The following INTS13 variants were observed in gnomAD, a reference collection of about 807,000 sequenced individuals.
The protein encoded by INTS13 is asunder, spermatogenesis regulator homolog (Drosphila).
A neutral mutation model predicts 90.2 loss-of-function variants in INTS13; 35 were observed. The observed-to-expected ratio is 0.39, with a 90% CI of 0.30 to 0.51. The LOEUF is 0.51. Among genes scored for constraint, INTS13 ranks in the 20% least tolerant of loss-of-function variants. The pLI, the probability that INTS13 is intolerant of heterozygous loss-of-function variation, is 0.80. For missense variants in INTS13, 601 were observed against 851.2 expected, an observed-to-expected ratio of 0.71 and a Z score of 3.66; for synonymous variants, 309 against 277.1, an observed-to-expected ratio of 1.11 and a Z score of -1.14.
intron 3 of INTS13, among the ~76,000 whole-genome samples, chr12:26,930,859 A>C (rs1340055978): frequency 6.6e-6 from 1 of 152,202 alleles, no homozygotes; most frequent in Non-Finnish European, 1.5e-5. Flanking sequence ...CACTTCTTTC[A>C]CAGTATTTAA....
rs772248624 is a variant in INTS13, at chr12:26,928,188, T to C, written c.584+17A>G. On this transcript the variant is annotated intron_variant, in intron 5 of 16. Coordinates refer to ENST00000261191, the MANE Select transcript of INTS13 (RefSeq NM_018164.3). ...ATCCACATGAACATATTTATTTCAT[T>C]TATGAATTATACTCACTGATCTGAA... 7.1e-6 allele frequency: 11 copies of C among 1,558,008 alleles called. No individual in the cohort carries two copies. The highest frequency in any genetic ancestry group is 4.4e-6 in the Non-Finnish European group (5 of 1,133,140).
At chr12:26,918,050 C>T (rs1325102015) in intron 8 of INTS13, among the ~76,000 whole-genome samples, 1 of 151,794 alleles carries the variant, frequency 6.6e-6, no homozygotes, top group Non-Finnish European at 1.5e-5. Flanking sequence ...TGAACCTGGG[C>T]GGCAGAGGTT....
Position 26,925,966 on chromosome 12 carries a change from T to G in INTS13, c.585-115A>C, listed in dbSNP as rs1030196704. On this transcript the variant is annotated intron_variant, in intron 5 of 16. Coordinates refer to ENST00000261191, the MANE Select transcript of INTS13 (RefSeq NM_018164.3). ...AACATCATATTGCTACAATTAGATA[T>G]TACTGTTAACCCAAAAGCTAAATAT... The G allele has an allele frequency of 3.6e-5, 25 of 703,038 alleles. No individual in the cohort carries two copies. The Admixed American group carries it at 6.6e-4, about 19-fold the overall frequency. The allele number at this position is 703,038 out of a possible 1,614,324, so 43.5% of individuals were successfully genotyped here.
intron 14 of INTS13, among the ~76,000 whole-genome samples, chr12:26,912,041 T>C (rs987948565): frequency 1.3e-5 from 2 of 152,340 alleles, no homozygotes; most frequent in East Asian, 3.9e-4. Context: ...TGAAGATATA[T>C]ATGAAATGAG....
intron 14 of INTS13, among the ~76,000 whole-genome samples, chr12:26,912,728 T>G (rs1172758787): frequency 1.2e-5 from 1 of 86,862 alleles, no homozygotes; most frequent in East Asian, 4.5e-4. Context: ...TTTGCTGCAA[T>G]CACTTTTTTT....
chr12:26,925,695 T>C (rs1443529355), intron 6 of INTS13, 66 bp downstream of exon 6: 1 of 1,296,450 alleles, frequency 7.7e-7, no homozygotes, highest in Non-Finnish European at 1.1e-6. Context: ...ATTTTAATGA[T>C]AACCCTTCTC....
chr12:26,927,823 C>T (rs534653040), intron 5 of INTS13, among the ~76,000 whole-genome samples: 4 of 152,062 alleles, frequency 2.6e-5, no homozygotes, highest in African/African-American at 9.6e-5. Flanking sequence ...GCCATGTTGC[C>T]CAGGCTGGTC....
chr12:26,917,931 G>A (rs1420525875), intron 8 of INTS13, among the ~76,000 whole-genome samples, 198 bp from the exon 9 acceptor site: 2 of 152,104 alleles, frequency 1.3e-5, no homozygotes, highest in Non-Finnish European at 2.9e-5. Flanking sequence ...AGACCAGCCT[G>A]ACCAAGATGG....
chr12:26,935,644 A>C (rs1435767810), intron 2 of INTS13, among the ~76,000 whole-genome samples: 1 of 152,270 alleles, frequency 6.6e-6, no homozygotes, highest in Non-Finnish European at 1.5e-5. Flanking sequence ...CCAAGGTCTG[A>C]ACCGAAGCCT....
intron 14 of INTS13, 69 bp from the exon 15 acceptor site, chr12:26,911,386 C>T: frequency 7.3e-7 from 1 of 1,374,032 alleles, no homozygotes; most frequent in Non-Finnish European, 9.9e-7. Context: ...AATAATTAAA[C>T]TAACTTTGCA....
At chr12:26,923,319 T>C (rs1937686621) in intron 7 of INTS13, among the ~76,000 whole-genome samples, 1 of 152,126 alleles carries the variant, frequency 6.6e-6, no homozygotes, top group Non-Finnish European at 1.5e-5. Flanking sequence ...TATATTAAAG[T>C]GTACCTATTA....
intron 2 of INTS13, among the ~76,000 whole-genome samples, chr12:26,935,278 G>A (rs1480930608): frequency 6.6e-6 from 1 of 152,198 alleles, no homozygotes; most frequent in African/African-American, 2.4e-5. Flanking sequence ...TATCAGGTAA[G>A]ATAATGACAA....
chr12:26,919,689 C>A (rs2137476799), intron 8 of INTS13, among the ~76,000 whole-genome samples: 1 of 152,240 alleles, frequency 6.6e-6, no homozygotes, highest in African/African-American at 2.4e-5. Context: ...TTCTGCCTTA[C>A]ATAAATGAAC....
rs878951554 is a variant in INTS13 at position 26,924,556 on chromosome 12, T to A, written c.676-73A>T. On this transcript the variant is annotated intron_variant, in intron 6 of 16. Transcript: ENST00000261191. The stretch of plus-strand genomic sequence containing the variant: ...TGTGACCTACTGCTAAATATTTTAG[T>A]ATAAATCCATTAAAATTAAGTATTT... 9.9e-6 allele frequency: 14 copies of A among 1,413,684 alleles called. No homozygotes were observed. In the South Asian group the frequency reaches 1.8e-4, roughly 18 times the overall value. The allele number at this position is 1,413,684 out of a possible 1,614,324, so 87.6% of individuals were successfully genotyped here.
chr12:26,927,114 G>A (rs1427601934), intron 5 of INTS13, among the ~76,000 whole-genome samples: 1 of 152,246 alleles, frequency 6.6e-6, no homozygotes, highest in African/African-American at 2.4e-5. Context: ...CCCACTTCAT[G>A]TGTCTGTGCA....
rs144494137 is a variant in INTS13 at position 26,923,452 on chromosome 12, T to C, written c.805-752A>G. ...TTATAATTCTCATGCAATTTATTGTTCATAATATAGTGGCAGAAAATAGAA... is the reference window on the plus strand; with the variant it reads ...TTATAATTCTCATGCAATTTATTGTCCATAATATAGTGGCAGAAAATAGAA... On this transcript the variant is annotated intron_variant, in intron 7 of 16. Coordinates refer to ENST00000261191, the MANE Select transcript of INTS13 (RefSeq NM_018164.3). Among the ~76,000 whole-genome samples the C allele has an allele frequency of 2.5e-3, 382 of 152,314 alleles. 1 individual carries two copies. The highest frequency in any genetic ancestry group is 8.7e-3 in the African/African-American group (362 of 41,578).
chr12:26,911,225 T>A lies in INTS13; in HGVS notation c.1898A>T (p.Lys633Ile). 6.2e-7 allele frequency: 1 copy of A among 1,614,078 alleles called. No individual in the cohort carries two copies. The highest frequency in any genetic ancestry group is 8.5e-7 in the Non-Finnish European group (1 of 1,179,992). ...SPDSPEPPNK[K>I]PLVEMDETPQ... is the part of the protein sequence containing the mutation. The stretch of plus-strand genomic sequence containing the variant: ...AGTTTCATCCATTTCAACAAGGGGT[T>A]TTTTGTTTGGAGGTTCTGGGGAATC... The change falls in exon 15 of 17, where the codon AAA becomes ATA. Residue 633 changes from lysine (K) to isoleucine (I), a missense_variant. Around this residue, in one of 3 missense-constraint regions of INTS13, gnomAD observed 228 missense variants for 272.5 expected, o/e 0.84. Transcript: ENST00000261191.
At chr12:26,924,281 C>G (rs1937742931) in intron 7 of INTS13, 74 bp downstream of exon 7, 1 of 1,510,522 alleles carries the variant, frequency 6.6e-7, no homozygotes, top group South Asian at 1.3e-5. Flanking sequence ...GCATGAGCTA[C>G]CACGCCTGGC....
chr12:26,928,032 T>C (rs1937980676), intron 5 of INTS13, among the ~76,000 whole-genome samples, 173 bp downstream of exon 5: 1 of 149,860 alleles, frequency 6.7e-6, no homozygotes, highest in Admixed American at 6.6e-5. Flanking sequence ...AAAAGTAAAT[T>C]AAAGTGAAAG....
Sources: allele counts gnomAD v4.1 joint callset (sites outside exome capture counted in the v4.1 genomes callset), GRCh38; gene constraint gnomAD v4.1.1; regional missense constraint gnomAD v4.1.1; transcripts MANE v1.5; gene names NCBI Gene and HGNC (gene_info 2026-07-23, HGNC 2026-07-21).